The following TADA1 variants were observed in gnomAD, a reference collection of about 807,000 sequenced individuals.
TADA1 encodes the protein transcriptional adaptor 1.
A neutral mutation model predicts 39.3 loss-of-function variants in TADA1; 23 were observed. The observed-to-expected ratio is 0.58, with a 90% CI of 0.42 to 0.83. The LOEUF (loss-of-function observed/expected upper bound fraction) is 0.83, where lower values mean the gene tolerates loss of function less well. Ranked by LOEUF, TADA1 falls within the 40% of genes least tolerant of loss-of-function variation. The pLI is 0.00. For missense variants in TADA1, 352 were observed against 408.1 expected, an observed-to-expected ratio of 0.86 and a Z score of 1.18; for synonymous variants, 137 against 151.8, an observed-to-expected ratio of 0.90 and a Z score of 0.72.
intron 5 of TADA1, 66 bp from the exon 6 acceptor site, chr1:166,860,403 T>C (rs1658379500): frequency 1.3e-6 from 2 of 1,485,756 alleles, no homozygotes; most frequent in Non-Finnish European, 1.8e-6. Context: ...AAACTTCCAC[T>C]GACCAAAAAA....
chr1:166,858,166 C>T lies in TADA1; in HGVS notation c.808G>A (p.Ala270Thr). Residue 270 changes from alanine to threonine, a missense_variant, in exon 7 of 8, where the codon GCA (alanine) becomes ACA (threonine). Coordinates refer to ENST00000367874, the MANE Select transcript of TADA1 (RefSeq NM_053053.4). ...TACATGTTCACCGGAGGCAAAGATG[C>T]AGGTAGAGTGTCTCCGGAGCATGCC... Reference protein sequence around the residue: ...LLACSGDTLPASLPPVNMYDL... With the variant: ...LLACSGDTLPTSLPPVNMYDL... The T allele has an allele frequency of 6.2e-7, 1 of 1,614,116 alleles. No homozygotes were observed. Among genetic ancestry groups the T allele is most frequent in the Non-Finnish European group, 8.5e-7 (1 of 1,180,006 alleles).
chr1:166,857,761 A>G, intron 7 of TADA1, 42 bp from the exon 8 acceptor site: 2 of 1,592,722 alleles, frequency 1.3e-6, no homozygotes, highest in African/African-American at 1.3e-5. Flanking sequence ...ATACTTGAGT[A>G]GACTTATTTT....
At chr1:166,862,067 G>A (rs1408823967) in intron 5 of TADA1, 136 bp downstream of exon 5, 2 of 935,978 alleles carry the variant, frequency 2.1e-6, no homozygotes, top group East Asian at 2.6e-5. Context: ...AAAAAAAACA[G>A]AAAACAACTT....
At chr1:166,876,044 G>A (rs1031015995) in intron 1 of TADA1, 116 bp downstream of exon 1, 8 of 983,394 alleles carry the variant, frequency 8.1e-6, no homozygotes, top group Non-Finnish European at 1.1e-5. Context: ...CGCCGCCGCG[G>A]ACTCCAGGCT....
chr1:166,868,146 G>A (rs1424146397), intron 3 of TADA1, among the ~76,000 whole-genome samples: 1 of 152,122 alleles, frequency 6.6e-6, no homozygotes, highest in African/African-American at 2.4e-5. Flanking sequence ...AAAAAGTCCA[G>A]TATGACTTTT....
chr1:166,869,909 T>A (rs1658620234), intron 1 of TADA1, 55 bp from the exon 2 acceptor site: 1 of 1,462,062 alleles, frequency 6.8e-7, no homozygotes, highest in Non-Finnish European at 9.5e-7. Flanking sequence ...TCTAGTTTTT[T>A]TTGTTTGTTT....
Position 166,862,209 on chromosome 1 carries a change from A to G in TADA1, c.534T>C (p.Ala178=). 1 of 1,613,264 alleles carries G rather than the reference A, an allele frequency of 6.2e-7. No individual in the cohort carries two copies. Among genetic ancestry groups the G allele is most frequent in the Non-Finnish European group, 8.5e-7 (1 of 1,179,886 alleles). The change falls in exon 5 of 8, where the codon GCT becomes GCC. Residue 178 remains alanine, a synonymous_variant. Transcript: ENST00000367874. ...CTGCCAACAGCAAACCAACCTCCAC[A>G]GCATAGACAACAGCTGAAACAGCCT... ...TEEAVSAVVY[A]VENHLKDILT...
chr1:166,859,109 C>G (rs1346123364), intron 6 of TADA1, among the ~76,000 whole-genome samples: 1 of 152,188 alleles, frequency 6.6e-6, no homozygotes, highest in Non-Finnish European at 1.5e-5. Flanking sequence ...CCACATATGG[C>G]AATCTAAACA....
At chr1:166,869,220 C>A in intron 3 of TADA1, 2 of 490,182 alleles carry the variant, frequency 4.1e-6, no homozygotes, top group South Asian at 2.6e-5. Context: ...AAATGTATGC[C>A]AAGAACTGAA....
At chr1:166,871,378 C>A (rs1341652024) in intron 1 of TADA1, among the ~76,000 whole-genome samples, 1 of 152,124 alleles carries the variant, frequency 6.6e-6, no homozygotes, top group Non-Finnish European at 1.5e-5. Context: ...GATTTCTCAA[C>A]GGGATGATTT....
At chr1:166,864,680 A>G (rs959859085) in intron 3 of TADA1, among the ~76,000 whole-genome samples, 16 of 152,210 alleles carry the variant, frequency 1.1e-4, no homozygotes, top group Admixed American at 3.3e-4. Context: ...ATTTCAAGAT[A>G]ATGATGGTAC....
At chr1:166,864,988 G>T (rs1658497312) in intron 3 of TADA1, among the ~76,000 whole-genome samples, 1 of 152,100 alleles carries the variant, frequency 6.6e-6, no homozygotes, top group Admixed American at 6.5e-5. Context: ...AAAGTCTCCA[G>T]GCAGTTTTAT....
chr1:166,868,016 C>T (rs1267453384), intron 3 of TADA1, among the ~76,000 whole-genome samples: 4 of 152,166 alleles, frequency 2.6e-5, no homozygotes, highest in African/African-American at 4.8e-5. Context: ...TCAATTTAAT[C>T]TACAACAGGA....
chr1:166,860,212 T>C lies in TADA1; in HGVS notation c.666A>G (p.Val222=). 6.2e-7 allele frequency: 1 copy of C among 1,611,104 alleles called. No individual in the cohort carries two copies. The highest frequency in any genetic ancestry group is 8.5e-7 in the Non-Finnish European group (1 of 1,179,258). ...VTPQPYLKNS[V]VAYNNLIESP... is the part of the protein sequence containing the mutation. ...TTTCTATTAAGTTGTTGTAAGCTAC[T>C]ACACTATTCTTCAGGTATGGCTGCG... Residue 222 remains valine (V), a synonymous_variant, in exon 6 of 8, where the codon GTA becomes GTG. Transcript: ENST00000367874.
At chr1:166,874,605 C>T (rs1658725086) in intron 1 of TADA1, among the ~76,000 whole-genome samples, 1 of 151,852 alleles carries the variant, frequency 6.6e-6, no homozygotes, top group Admixed American at 6.6e-5. Context: ...GGCAACACAG[C>T]AAGACTTTGT....
intron 1 of TADA1, among the ~76,000 whole-genome samples, chr1:166,873,419 C>T (rs1369020541): frequency 6.6e-6 from 1 of 152,138 alleles, no homozygotes; most frequent in Non-Finnish European, 1.5e-5. Context: ...AGCTTGGGCA[C>T]ACAACCCAAC....
At chr1:166,870,635 C>G (rs60997145) in intron 1 of TADA1, among the ~76,000 whole-genome samples, 1,820 of 152,264 alleles carry the variant, frequency 0.012, 37 homozygotes, top group African/African-American at 0.042. Context: ...CGAGATTAGC[C>G]TGGGCAACAT....
At chr1:166,865,639 C>T (rs1232681059) in intron 3 of TADA1, among the ~76,000 whole-genome samples, 2 of 151,836 alleles carry the variant, frequency 1.3e-5, no homozygotes, top group African/African-American at 4.8e-5. Context: ...TGGTGAAACC[C>T]TGTCTCTACT....
intron 5 of TADA1, 53 bp from the exon 6 acceptor site, chr1:166,860,390 A>G: frequency 5.2e-6 from 8 of 1,543,656 alleles, no homozygotes; most frequent in Non-Finnish European, 5.3e-6. Context: ...AAAGCAAATC[A>G]TAAAACTTCC....
Sources: gnomAD v4.1 joint callset for allele counts (sites outside exome capture counted in the v4.1 genomes callset) on GRCh38, gnomAD v4.1.1 for gene constraint, MANE v1.5 for transcripts, NCBI Gene and HGNC (gene_info 2026-07-23, HGNC 2026-07-21) for gene names.